PRKCE: variants seen among roughly 807,000 people sequenced by gnomAD.
PRKCE encodes protein kinase C epsilon type.
PRKCE carries 16 observed loss-of-function variants against 85.4 expected under a neutral mutation model. The ratio of observed to expected loss-of-function variants is 0.19; its 90% confidence interval spans 0.13 to 0.28. The LOEUF is 0.28. Ranked by LOEUF, PRKCE falls within the 10% of genes least tolerant of loss-of-function variation. The pLI is 1.00. For synonymous variants in PRKCE, 388 were observed against 371.5 expected (o/e 1.04, Z -0.51); for missense variants, 573 against 975.2 (o/e 0.59, Z 5.49).
chr2:45,802,306 G>A (rs1390265555), intron 1 of PRKCE, among the ~76,000 whole-genome samples: 1 of 152,072 alleles, frequency 6.6e-6, no homozygotes, highest in East Asian at 1.9e-4. Context: ...GTATGCATTT[G>A]GTTAAATCTT....
chr2:46,185,133 T>C lies in PRKCE; in HGVS notation c.*252T>C. On this transcript the variant is annotated 3_prime_UTR_variant, in exon 15 of 15. Transcript: ENST00000306156. This position sits in a 1 kb window ranked among gnomAD's most constrained non-coding sequence, Gnocchi z 4.7. The stretch of plus-strand genomic sequence containing the variant: ...TGGGTCAGCAATTAGCTGTATACAC[T>C]GCCGTGTTTGGACCATTGGCAAGCC... 2 of 465,900 alleles carry C rather than the reference T, an allele frequency of 4.3e-6. No individual in the cohort carries two copies. The highest frequency in any genetic ancestry group is 3.2e-5 in the South Asian group (1 of 31,080). 28.9% of individuals were successfully genotyped at this position (465,900 alleles called of 1,614,324 possible).
chr2:46,121,698 C>T (rs375791744), intron 11 of PRKCE, among the ~76,000 whole-genome samples: 6 of 152,178 alleles, frequency 3.9e-5, no homozygotes, highest in Admixed American at 1.3e-4. Context: ...GCTTTCAGCA[C>T]GTGTCAGTGA....
At position 45,843,069 on chromosome 2, in the gene PRKCE, A is replaced by G; in HGVS notation, c.412+6A>G. The G allele has an allele frequency of 6.2e-7, 1 of 1,613,532 alleles. No individual in the cohort carries two copies. Among genetic ancestry groups the G allele is most frequent in the South Asian group, 1.1e-5 (1 of 91,070 alleles). On this transcript the variant is annotated splice_donor_region_variant and intron_variant, in intron 2 of 14. Coordinates refer to ENST00000306156, the MANE Select transcript of PRKCE (RefSeq NM_005400.3). ...CTCAGGGTCGTCGGGTGAAGGTAGG[A>G]GAGCGTGACTTCTCATCCCTGTTTT...
intron 10 of PRKCE, chr2:46,010,779 C>T (rs745359100): frequency 3.8e-6 from 6 of 1,595,594 alleles, no homozygotes; most frequent in Non-Finnish European, 5.1e-6. Flanking sequence ...AATGGCTAAA[C>T]TCACTGTTTG....
chr2:46,084,902 C>T (rs1330521307), intron 10 of PRKCE, among the ~76,000 whole-genome samples: 1 of 152,208 alleles, frequency 6.6e-6, no homozygotes, highest in Non-Finnish European at 1.5e-5. Context: ...TCTCTCCAGG[C>T]CTAGCTGCAT....
intron 11 of PRKCE, among the ~76,000 whole-genome samples, chr2:46,109,869 T>A (rs956858062): frequency 6.6e-6 from 1 of 152,076 alleles, no homozygotes; most frequent in Non-Finnish European, 1.5e-5. Context: ...GTTCAGAAAA[T>A]TCCCCTCTAT....
chr2:45,903,429 A>T (rs1036025547), intron 2 of PRKCE, among the ~76,000 whole-genome samples: 3 of 152,202 alleles, frequency 2.0e-5, no homozygotes, highest in Non-Finnish European at 4.4e-5. Context: ...TCCCCATGGG[A>T]CAGGGTTGCA....
chr2:45,754,496 C>A (rs934823363), intron 1 of PRKCE, among the ~76,000 whole-genome samples: 1 of 152,100 alleles, frequency 6.6e-6, no homozygotes. Context: ...AATAATCCAG[C>A]CTTCATTGCG....
chr2:45,738,477 C>T (rs1682272363), intron 1 of PRKCE, among the ~76,000 whole-genome samples: 1 of 152,208 alleles, frequency 6.6e-6, no homozygotes, highest in African/African-American at 2.4e-5. Flanking sequence ...CCACTGTTTT[C>T]AGATAACCTG....
At chr2:45,674,300 A>G (rs376925047) in intron 1 of PRKCE, among the ~76,000 whole-genome samples, 1 of 152,196 alleles carries the variant, frequency 6.6e-6, no homozygotes, top group East Asian at 1.9e-4. Context: ...GTAATGAGAT[A>G]TATAAGACTG....
chr2:46,122,637 G>C (rs1455726560), intron 11 of PRKCE, among the ~76,000 whole-genome samples: 1 of 152,160 alleles, frequency 6.6e-6, no homozygotes, highest in East Asian at 1.9e-4. Flanking sequence ...GATAGATGAA[G>C]TTCCTCGCTT....
chr2:46,129,051 C>T (rs1295147156), intron 11 of PRKCE, among the ~76,000 whole-genome samples: 1 of 152,172 alleles, frequency 6.6e-6, no homozygotes, highest in Non-Finnish European at 1.5e-5. Context: ...GTTTCCCACT[C>T]CTATACTAGC....
At chr2:46,136,836 C>G (rs1262464972) in intron 11 of PRKCE, among the ~76,000 whole-genome samples, 1 of 152,214 alleles carries the variant, frequency 6.6e-6, no homozygotes, top group Admixed American at 6.5e-5. Flanking sequence ...TCTCACCGGG[C>G]TATGCTAAAA....
chr2:46,057,953 A>C (rs940646970), intron 10 of PRKCE, among the ~76,000 whole-genome samples: 3 of 152,212 alleles, frequency 2.0e-5, no homozygotes, highest in African/African-American at 7.2e-5. Context: ...AGGAAAGGCA[A>C]AAGCCACTTG....
intron 13 of PRKCE, among the ~76,000 whole-genome samples, chr2:46,157,619 T>C (rs1284968965): frequency 6.6e-6 from 1 of 152,160 alleles, no homozygotes. Context: ...GCCTAACCGG[T>C]TAACCAGTTC....
intron 1 of PRKCE, among the ~76,000 whole-genome samples, chr2:45,730,273 C>G (rs1331983029): frequency 2.6e-5 from 4 of 152,202 alleles, no homozygotes; most frequent in African/African-American, 9.6e-5. Flanking sequence ...CCATCTCAGC[C>G]TCCTGGGTAG....
At chr2:45,921,592 G>A (rs1698254274) in intron 2 of PRKCE, among the ~76,000 whole-genome samples, 1 of 152,200 alleles carries the variant, frequency 6.6e-6, no homozygotes, top group Non-Finnish European at 1.5e-5. Flanking sequence ...CTGGTAAGTG[G>A]TAGAGCTGGG....
intron 1 of PRKCE, among the ~76,000 whole-genome samples, chr2:45,782,311 G>A (rs1280373035): frequency 1.3e-5 from 2 of 152,112 alleles, no homozygotes; most frequent in Non-Finnish European, 2.9e-5. Context: ...TTTTCAGGGA[G>A]GCAGTATGGT....
At chr2:45,903,279 CCA>C (rs1696705851) in intron 2 of PRKCE, among the ~76,000 whole-genome samples, 1 of 152,186 alleles carries the variant, frequency 6.6e-6, no homozygotes, top group South Asian at 2.1e-4. Context: ...AGTTATTCCT[CCA>C]TACATTAACA....
Sources: allele counts gnomAD v4.1 joint callset (sites outside exome capture counted in the v4.1 genomes callset), GRCh38; gene constraint gnomAD v4.1.1; non-coding constraint Gnocchi (gnomAD v3.1); transcripts MANE v1.5; gene names NCBI Gene and HGNC (gene_info 2026-07-23, HGNC 2026-07-21).